The following ZNF177 variants were observed in gnomAD, a reference collection of about 807,000 sequenced individuals.
ZNF177 encodes zinc finger protein 177.
Under a neutral mutation model 19.4 loss-of-function variants are expected in ZNF177, and 17 were observed. The ratio of observed to expected loss-of-function variants is 0.87; its 90% CI spans 0.60 to 1.31. ZNF177 has a LOEUF of 1.31. Ranked by LOEUF, ZNF177 falls within the 40% of genes most tolerant of loss-of-function variation. ZNF177 has a pLI of 0.00. For missense variants in ZNF177, 633 were observed against 561.8 expected (o/e 1.13, Z -1.28); for synonymous variants, 220 against 188.7 (o/e 1.17, Z -1.36).
upstream of ZNF177, among the ~76,000 whole-genome samples, chr19:9,375,357 G>A (rs2068096483): frequency 1.3e-5 from 2 of 152,122 alleles, no homozygotes; most frequent in South Asian, 2.1e-4. Flanking sequence ...CATAAAATGA[G>A]TTTAATGAGG....
chr19:9,380,543 A>G (rs2068180126), intron 5 of ZNF177, 125 bp from the exon 8 acceptor site: 1 of 1,525,284 alleles, frequency 6.6e-7, no homozygotes, highest in Non-Finnish European at 8.8e-7. Context: ...CCTACTGAAA[A>G]TGGTACACAT....
upstream of ZNF177, among the ~76,000 whole-genome samples, chr19:9,373,075 C>G (rs987485217): frequency 6.6e-6 from 1 of 152,138 alleles, no homozygotes; most frequent in Non-Finnish European, 1.5e-5. Context: ...CTATAGTCAC[C>G]AAGCCATACA....
upstream of ZNF177, among the ~76,000 whole-genome samples, chr19:9,375,632 T>G (rs2068099237): frequency 6.6e-6 from 1 of 152,170 alleles, no homozygotes; most frequent in Non-Finnish European, 1.5e-5. Flanking sequence ...TTCATTATGG[T>G]CTCATGATCC....
exon 3 of ZNF177, chr19:9,379,002 A>G: frequency 6.2e-7 from 1 of 1,610,538 alleles, no homozygotes; most frequent in Non-Finnish European, 8.5e-7. Flanking sequence ...GACTTTTCCC[A>G]GGAGGAGTGG....
Position 9,381,263 on chromosome 19 carries a change from C to T in ZNF177, c.932C>T (p.Pro311Leu), listed in dbSNP as rs150646751. ...ATGAGATCTCATACTGGAGAGAAGC[C>T]TTATGAGTGTGATCACTGTGGAAAA... The change falls in exon 6 of 6, where the codon CCT becomes CTT. Residue 311 changes from proline to leucine, a missense_variant. Coordinates refer to ENST00000589262, the Ensembl canonical transcript of ZNF177. 29 of 1,613,996 alleles carry T rather than the reference C, an allele frequency of 1.8e-5. No homozygotes were observed. The African/African-American group carries it at 3.6e-4, about 20-fold the overall frequency.
intron 5 of ZNF177, 87 bp downstream of exon 7, chr19:9,380,226 G>A (rs1205114601): frequency 1.4e-6 from 2 of 1,438,898 alleles, no homozygotes; most frequent in Non-Finnish European, 1.8e-6. Context: ...CAAAGCAGGG[G>A]TAAGAATTCA....
chr19:9,378,916 C>T, intron 2 of ZNF177, 46 bp from the exon 5 acceptor site: 1 of 1,549,162 alleles, frequency 6.5e-7, no homozygotes. Context: ...GGTACATTGT[C>T]AAAAATGGTC....
chr19:9,378,941 A>C, intron 2 of ZNF177, 21 bp from the exon 5 acceptor site: 3 of 1,579,478 alleles, frequency 1.9e-6, no homozygotes, highest in Non-Finnish European at 2.6e-6. Flanking sequence ...GCTGAGCCAG[A>C]ATATGTATGT....
In ZNF177 at chr19:9,363,564, G is replaced by A. The variant is rs150467799; in HGVS notation, c.-392+480G>A. 1.3e-4 allele frequency among the ~76,000 whole-genome samples: 20 copies of A among 152,112 alleles called. No individual in the cohort carries two copies. The East Asian group carries it at 3.7e-3, about 28-fold the overall frequency. ...TGAGTGGGCTTGTGCATGTTTTTTC[G>A]TATTTGTGGACTTAGGTCTTCAAGG... On this transcript the variant is annotated intron_variant, in intron 1 of 8. Transcript: ENST00000343499.
chr19:9,375,864 T>C (rs1005280858), upstream of ZNF177, among the ~76,000 whole-genome samples: 5 of 152,196 alleles, frequency 3.3e-5, no homozygotes, highest in Admixed American at 1.3e-4. Context: ...GTACTGACTT[T>C]GGGCTTAGTT....
In ZNF177 at chr19:9,381,137, T is replaced by A. The variant is rs1468607135; in HGVS notation, c.806T>A (p.Leu269Ter). The A allele has an allele frequency of 1.9e-6, 3 of 1,614,142 alleles. No homozygotes were observed. In the South Asian group the frequency reaches 3.3e-5, roughly 18 times the overall value. The change falls in exon 6 of 6, where the codon TTG becomes TAG. Residue 269 changes from leucine to a stop codon, truncating the protein, a stop_gained. Transcript: ENST00000589262. LOFTEE classifies it low-confidence loss of function (END_TRUNC). ...CATGAGAAAACTTTCACTGACCCTT[T>A]GTCCCTTCAGAACTGTGTCAGAACT... is the stretch of plus-strand genomic sequence containing the variant.
At chr19:9,375,672 G>A (rs1162549673), upstream of ZNF177, among the ~76,000 whole-genome samples, 1 of 151,964 alleles carries the variant, frequency 6.6e-6, no homozygotes, top group Non-Finnish European at 1.5e-5. Context: ...CAGTTGTAAT[G>A]CCTTCTCTTT....
intron 3 of ZNF177, 105 bp from the exon 6 acceptor site, chr19:9,379,422 A>C: frequency 7.1e-7 from 1 of 1,403,640 alleles, no homozygotes. Flanking sequence ...GCTGCACTTG[A>C]CTATTTTAAT....
chr19:9,372,051 T>C (rs1242860849), upstream of ZNF177, among the ~76,000 whole-genome samples: 2 of 152,208 alleles, frequency 1.3e-5, no homozygotes, highest in Non-Finnish European at 1.5e-5. Flanking sequence ...GTACATTGTG[T>C]ATTTGTGTTT....
chr19:9,369,738 G>A (rs2068024347), intron 2 of ZNF177, among the ~76,000 whole-genome samples: 1 of 150,732 alleles, frequency 6.6e-6, no homozygotes, highest in Non-Finnish European at 1.5e-5. Flanking sequence ...TTCTCTTCTA[G>A]ACTGTGAGTT....
chr19:9,368,294 C>T (rs1053905345), intron 2 of ZNF177, among the ~76,000 whole-genome samples: 12 of 152,232 alleles, frequency 7.9e-5, no homozygotes, highest in African/African-American at 2.9e-4. Flanking sequence ...TCATTGCATT[C>T]ACAGTGTTAC....
exon 6 of ZNF177, chr19:9,380,949 T>C (rs1568385231): frequency 6.5e-7 from 1 of 1,536,864 alleles, no homozygotes; most frequent in Non-Finnish European, 8.7e-7. Context: ...TTCAGGAGTA[T>C]GAGCAATGTG....
At chr19:9,365,700 G>A (rs973068542) in intron 2 of ZNF177, among the ~76,000 whole-genome samples, 7 of 152,080 alleles carry the variant, frequency 4.6e-5, no homozygotes. Context: ...GACCGGCGCC[G>A]GAGTTTTGGG....
chr19:9,378,512 C>T, intron 2 of ZNF177, 168 bp downstream of exon 4: 1 of 1,081,454 alleles, frequency 9.2e-7, no homozygotes, highest in African/African-American at 1.6e-5. Context: ...GGCTTCTGTT[C>T]CCACATTTGT....
Sources: gnomAD v4.1 joint callset for allele counts (sites outside exome capture counted in the v4.1 genomes callset) on GRCh38, gnomAD v4.1.1 for gene constraint, MANE v1.5 for transcripts, NCBI Gene and HGNC (gene_info 2026-07-23, HGNC 2026-07-21) for gene names.